Variants in ARB2A observed in about 807,000 individuals in gnomAD.
ARB2A encodes the protein ARB2 cotranscriptional regulator A, also known as cotranscriptional regulator ARB2A.
At chr5:93,987,454 C>T in the ARB2A span, among the ~76,000 whole-genome samples, 1 of 152,096 alleles carries the variant, frequency 6.6e-6, no homozygotes, top group Non-Finnish European at 1.5e-5. Context: ...AGGACATTTA[C>T]CCTGGATTCA....
At chr5:93,708,988 A>T in the ARB2A span, among the ~76,000 whole-genome samples, 2 of 152,010 alleles carry the variant, frequency 1.3e-5, no homozygotes, top group South Asian at 4.1e-4. Context: ...TATATATTTG[A>T]AATTTGCTAA....
chr5:93,971,562 C>T, the ARB2A span, among the ~76,000 whole-genome samples: 21 of 63,186 alleles, frequency 3.3e-4, no homozygotes, highest in African/African-American at 9.8e-4. Flanking sequence ...AACAAGACTC[C>T]GTCTCAAAAA....
the ARB2A span, among the ~76,000 whole-genome samples, chr5:93,916,501 A>C: frequency 3.3e-5 from 5 of 152,160 alleles, no homozygotes; most frequent in Admixed American, 6.6e-5. Flanking sequence ...AACTGATGGC[A>C]TTTATGCTTT....
At chr5:94,012,356 C>T in the ARB2A span, among the ~76,000 whole-genome samples, 1 of 152,204 alleles carries the variant, frequency 6.6e-6, no homozygotes, top group Non-Finnish European at 1.5e-5. Flanking sequence ...GAGCAGAAAT[C>T]GCGCCACTGC....
chr5:93,973,455 C>T, the ARB2A span, among the ~76,000 whole-genome samples: 1 of 152,134 alleles, frequency 6.6e-6, no homozygotes, highest in African/African-American at 2.4e-5. Context: ...ACTGGCATTC[C>T]TGAGTGAGAA....
At chr5:94,098,438 A>G in the ARB2A span, among the ~76,000 whole-genome samples, 2 of 152,242 alleles carry the variant, frequency 1.3e-5, no homozygotes, top group Non-Finnish European at 2.9e-5. Flanking sequence ...GAAAATAATG[A>G]GAACAAAGAT....
the ARB2A span, among the ~76,000 whole-genome samples, chr5:93,634,055 G>A: frequency 6.6e-6 from 1 of 152,102 alleles, no homozygotes; most frequent in Non-Finnish European, 1.5e-5. Flanking sequence ...GAACCACTGG[G>A]CTTGGTCGCA....
the ARB2A span, among the ~76,000 whole-genome samples, chr5:93,822,471 G>A: frequency 2.0e-5 from 3 of 152,070 alleles, no homozygotes; most frequent in Non-Finnish European, 4.4e-5. Context: ...TAAAAAATGG[G>A]AATTTATGTT....
the ARB2A span, chr5:93,740,685 G>A: frequency 3.1e-6 from 5 of 1,613,906 alleles, no homozygotes; most frequent in Non-Finnish European, 3.4e-6. Context: ...CCAGTCCCAG[G>A]TGAAAGCACA....
chr5:93,757,053 T>G, the ARB2A span, among the ~76,000 whole-genome samples: 1 of 152,136 alleles, frequency 6.6e-6, no homozygotes, highest in Non-Finnish European at 1.5e-5. Flanking sequence ...CAGGAAACTT[T>G]GGGACACACT....
At chr5:93,752,655 G>A in the ARB2A span, among the ~76,000 whole-genome samples, 11 of 151,774 alleles carry the variant, frequency 7.2e-5, no homozygotes, top group African/African-American at 1.9e-4. Context: ...GATAATATTC[G>A]ACCTGATGAA....
chr5:93,907,402 TGTCA>T, the ARB2A span, among the ~76,000 whole-genome samples: 1 of 151,476 alleles, frequency 6.6e-6, no homozygotes, highest in Non-Finnish European at 1.5e-5. Flanking sequence ...TATTTTCAGA[TGTCA>T]GTGTTTATAC....
chr5:93,756,581 C>T, the ARB2A span, among the ~76,000 whole-genome samples: 9 of 152,144 alleles, frequency 5.9e-5, no homozygotes, highest in Non-Finnish European at 8.8e-5. Context: ...CAGCCCAGAA[C>T]GGGGTAGACT....
the ARB2A span, among the ~76,000 whole-genome samples, chr5:93,628,937 A>G: frequency 6.6e-6 from 1 of 152,154 alleles, no homozygotes; most frequent in Non-Finnish European, 1.5e-5. Flanking sequence ...ATTTCCTTCA[A>G]ATACTTTTTC....
chr5:93,880,828 T>A, the ARB2A span, among the ~76,000 whole-genome samples: 3 of 151,688 alleles, frequency 2.0e-5, no homozygotes, highest in African/African-American at 7.2e-5. Flanking sequence ...GTTCGCTGGG[T>A]AGGACAAGAG....
chr5:93,879,801 A>G, the ARB2A span, among the ~76,000 whole-genome samples: 1 of 151,920 alleles, frequency 6.6e-6, no homozygotes, highest in Non-Finnish European at 1.5e-5. Flanking sequence ...AAATTGTTTA[A>G]GAAGAAATAA....
At chr5:93,702,749 T>A in the ARB2A span, among the ~76,000 whole-genome samples, 9 of 152,256 alleles carry the variant, frequency 5.9e-5, no homozygotes, top group African/African-American at 1.7e-4. Flanking sequence ...TCCTTTCACT[T>A]CCCTGGGTTC....
the ARB2A span, among the ~76,000 whole-genome samples, chr5:93,993,466 C>T: frequency 6.6e-6 from 1 of 152,074 alleles, no homozygotes; most frequent in African/African-American, 2.4e-5. Flanking sequence ...GAATTCCCCA[C>T]ACATTTTTGT....
chr5:93,930,996 T>C, the ARB2A span, among the ~76,000 whole-genome samples: 1 of 152,138 alleles, frequency 6.6e-6, no homozygotes, highest in Non-Finnish European at 1.5e-5. Context: ...TTGCCACCCA[T>C]GCTGACTGGC....
Sources: allele counts gnomAD v4.1 joint callset (sites outside exome capture counted in the v4.1 genomes callset), GRCh38; gene constraint gnomAD v4.1.1; transcripts MANE v1.5; gene names NCBI Gene and HGNC (gene_info 2026-07-23, HGNC 2026-07-21).